CYP4Z1: variants seen among roughly 807,000 people sequenced by gnomAD.
CYP4Z1 encodes cytochrome P450 4Z1.
Under a neutral mutation model 54.2 loss-of-function variants are expected in CYP4Z1, and 41 were observed. The ratio of observed to expected loss-of-function variants is 0.76; its 90% CI spans 0.59 to 0.98. The LOEUF (loss-of-function observed/expected upper bound fraction) is 0.98, where lower values mean the gene tolerates loss of function less well. Ranked by LOEUF, CYP4Z1 falls within the 50% of genes least tolerant of loss-of-function variation. The probability of loss-of-function intolerance (pLI) is 0.00; values close to 1 mark genes in which losing one functional copy is unlikely to be tolerated. For synonymous variants in CYP4Z1, 163 were observed against 206.2 expected, an observed-to-expected ratio of 0.79 and a Z score of 1.79; for missense variants, 513 against 599.0, an observed-to-expected ratio of 0.86 and a Z score of 1.50.
At chr1:47,113,321 G>A (rs1371831461) in intron 9 of CYP4Z1, among the ~76,000 whole-genome samples, 3 of 151,956 alleles carry the variant, frequency 2.0e-5, no homozygotes, top group Non-Finnish European at 4.4e-5. Flanking sequence ...AGCATGCCTC[G>A]CCTGGGCCTT....
intron 8 of CYP4Z1, 136 bp downstream of exon 8, chr1:47,099,420 C>A: frequency 1.3e-6 from 1 of 754,098 alleles, no homozygotes; most frequent in Non-Finnish European, 2.0e-6. Flanking sequence ...AGGCTAGAGT[C>A]CTACGTTATT....
intron 2 of CYP4Z1, among the ~76,000 whole-genome samples, chr1:47,073,834 T>C (rs1218100017): frequency 6.6e-6 from 1 of 152,166 alleles, no homozygotes; most frequent in Non-Finnish European, 1.5e-5. Context: ...TTTAAATATA[T>C]ATAGTACACA....
intron 7 of CYP4Z1, 49 bp downstream of exon 7, chr1:47,094,718 A>G (rs527847999): frequency 1.4e-6 from 2 of 1,449,122 alleles, no homozygotes; most frequent in Non-Finnish European, 1.9e-6. Context: ...ATTAAATAAT[A>G]AAGAAATAGG....
intron 2 of CYP4Z1, 30 bp downstream of exon 2, chr1:47,068,793 A>G (rs766032410): frequency 1.9e-6 from 3 of 1,608,130 alleles, no homozygotes; most frequent in East Asian, 4.5e-5. Context: ...CACAGTACAG[A>G]GCAGCAACAA....
chr1:47,103,799 T>C (rs962065874), intron 8 of CYP4Z1, among the ~76,000 whole-genome samples: 1 of 152,104 alleles, frequency 6.6e-6, no homozygotes, highest in Non-Finnish European at 1.5e-5. Context: ...TTTCACCATG[T>C]TGGCCAGGCT....
chr1:47,084,217 G>T (rs895562985), intron 4 of CYP4Z1, among the ~76,000 whole-genome samples: 1 of 152,018 alleles, frequency 6.6e-6, no homozygotes, highest in African/African-American at 2.4e-5. Flanking sequence ...GAAAAAACTT[G>T]TCAAGTACTA....
At chr1:47,076,704 G>C (rs956647833) in intron 2 of CYP4Z1, among the ~76,000 whole-genome samples, 2 of 150,720 alleles carry the variant, frequency 1.3e-5, no homozygotes, top group African/African-American at 4.9e-5. Context: ...AATTAGCCGG[G>C]AGCGGTGGCG....
intron 2 of CYP4Z1, among the ~76,000 whole-genome samples, chr1:47,073,711 C>G (rs1644498285): frequency 6.6e-6 from 1 of 152,128 alleles, no homozygotes. Flanking sequence ...CCCATTGATG[C>G]TGAATATCAT....
In CYP4Z1 at chr1:47,068,711, G is replaced by A. The variant is rs749906835; in HGVS notation, c.267G>A (p.Met89Ile). 2 of 1,614,148 alleles carry A rather than the reference G, an allele frequency of 1.2e-6. No homozygotes were observed. The highest frequency in any genetic ancestry group is 2.2e-5 in the East Asian group (1 of 44,886). ...CCTTGTGGGTTGGACCCTTTACGAT[G>A]TTCTTCAGTGTCCATGACCCAGACT... The part of the protein sequence containing the change: ...AVPLWVGPFT[M>I]FFSVHDPDYA... The change falls in exon 2 of 12, where the codon ATG becomes ATA. Residue 89 changes from methionine to isoleucine, a missense_variant. Coordinates refer to ENST00000334194, the MANE Select transcript of CYP4Z1 (RefSeq NM_178134.3).
chr1:47,103,872 A>C (rs1345724873), intron 8 of CYP4Z1, among the ~76,000 whole-genome samples: 1 of 149,410 alleles, frequency 6.7e-6, no homozygotes, highest in Non-Finnish European at 1.5e-5. Flanking sequence ...CTGGGATTAC[A>C]GACATGAGGC....
At chr1:47,108,404 T>C (rs1313930693) in intron 9 of CYP4Z1, among the ~76,000 whole-genome samples, 1 of 152,216 alleles carries the variant, frequency 6.6e-6, no homozygotes. Flanking sequence ...GCCCTGCTAA[T>C]GGGCCCTTGA....
intron 9 of CYP4Z1, among the ~76,000 whole-genome samples, chr1:47,108,826 TGTGAGTAATTTTAA>T (rs1389332937): frequency 6.6e-6 from 1 of 152,022 alleles, no homozygotes; most frequent in Non-Finnish European, 1.5e-5. Context: ...CACCACTGTC[TGTGAGTAATTTTAA>T]GTGAGAAAGA....
chr1:47,088,671 T>A (rs867828962), intron 6 of CYP4Z1, among the ~76,000 whole-genome samples: 88 of 139,658 alleles, frequency 6.3e-4, no homozygotes, highest in Non-Finnish European at 1.1e-3. Flanking sequence ...GGCTGCAGTG[T>A]GGTGGCACTA....
At chr1:47,082,956 A>G (rs1324550851) in intron 4 of CYP4Z1, among the ~76,000 whole-genome samples, 3 of 152,070 alleles carry the variant, frequency 2.0e-5, no homozygotes, top group Non-Finnish European at 4.4e-5. Context: ...AAGAGGGTGC[A>G]GAGATGTCAC....
upstream of CYP4Z1, among the ~76,000 whole-genome samples, chr1:47,062,430 T>C: frequency 6.6e-6 from 1 of 152,196 alleles, no homozygotes; most frequent in African/African-American, 2.4e-5. Flanking sequence ...AGGAGGCTCG[T>C]GGTCTGGAGC....
Position 47,118,004 on chromosome 1 carries a change from T to A in CYP4Z1, c.*70T>A. On this transcript the variant is annotated 3_prime_UTR_variant, in exon 12 of 12. Transcript: ENST00000334194. ...CAAAGGAAGAACAAAAGGATAAATA[T>A]AATACAAAATATATGTATATGGTTG... 6.9e-7 allele frequency: 1 copy of A among 1,444,986 alleles called. No homozygotes were observed. 89.5% of individuals were successfully genotyped at this position (1,444,986 alleles called of 1,614,324 possible).
intron 6 of CYP4Z1, among the ~76,000 whole-genome samples, chr1:47,088,072 T>G (rs1366375369): frequency 2.0e-5 from 3 of 152,188 alleles, no homozygotes; most frequent in Non-Finnish European, 2.9e-5. Flanking sequence ...ATAAGCTTTT[T>G]GATGTGCTGC....
chr1:47,082,425 C>T lies in CYP4Z1; in HGVS notation c.456C>T (p.Phe152=). 2 of 1,613,662 alleles carry T rather than the reference C, an allele frequency of 1.2e-6. No individual in the cohort carries two copies. Among genetic ancestry groups the T allele is most frequent in the Admixed American group, 1.7e-5 (1 of 59,936 alleles). ...PGFNISILKI[F]ITMMSESVRM... Reference sequence around the variant, plus strand: ...TCAACATCAGCATTCTGAAAATATTCATCACCATGATGTCTGAGAGTGTTC... The same window carrying T: ...TCAACATCAGCATTCTGAAAATATTTATCACCATGATGTCTGAGAGTGTTC... Residue 152 remains phenylalanine (F), a synonymous_variant, in exon 4 of 12, where the codon TTC becomes TTT. Coordinates refer to ENST00000334194, the MANE Select transcript of CYP4Z1 (RefSeq NM_178134.3).
chr1:47,099,665 T>C lies in CYP4Z1; in HGVS notation c.1067+381T>C, dbSNP rs533673988. ...ACCACCTTAGATTGCCCAAGTAAGA[T>C]GTTCAATCACTTGACATGAAAGAGA... On this transcript the variant is annotated intron_variant, in intron 8 of 11. Coordinates refer to ENST00000334194, the MANE Select transcript of CYP4Z1 (RefSeq NM_178134.3). Among the ~76,000 whole-genome samples the C allele has an allele frequency of 3.8e-4, 58 of 152,210 alleles. No homozygotes were observed. The Middle Eastern group carries it at 0.014, about 36-fold the overall frequency.
Sources: gnomAD v4.1 joint callset for allele counts (sites outside exome capture counted in the v4.1 genomes callset) on GRCh38, gnomAD v4.1.1 for gene constraint, MANE v1.5 for transcripts, NCBI Gene and HGNC (gene_info 2026-07-23, HGNC 2026-07-21) for gene names.